The following PHTF2 variants were observed in gnomAD, a reference collection of about 807,000 sequenced individuals.
PHTF2 encodes the protein putative homeodomain transcription factor 2.
A neutral mutation model predicts 101.2 loss-of-function variants in PHTF2; 60 were observed. The observed-to-expected ratio is 0.59, with a 90% CI of 0.48 to 0.73. The LOEUF (loss-of-function observed/expected upper bound fraction) is 0.73. Among genes scored for constraint, PHTF2 ranks in the 30% least tolerant of loss-of-function variants. The pLI is 0.00. For missense variants in PHTF2, 747 were observed against 908.7 expected, an observed-to-expected ratio of 0.82 and a Z score of 2.29; for synonymous variants, 311 against 307.3, an observed-to-expected ratio of 1.01 and a Z score of -0.13.
At chr7:77,932,617 AGAGAGTGTGT>A (rs757392448) in intron 12 of PHTF2, among the ~76,000 whole-genome samples, 7,426 of 124,486 alleles carry the variant, frequency 0.06, 210 homozygotes, top group South Asian at 0.14. Context: ...AGAGAGAGAG[AGAGAGTGTGT>A]GTGTGTGTGT....
At chr7:77,941,693 C>G (rs553226118) in intron 15 of PHTF2, among the ~76,000 whole-genome samples, 1 of 152,134 alleles carries the variant, frequency 6.6e-6, no homozygotes, top group Non-Finnish European at 1.5e-5. Flanking sequence ...CCATTTGCTT[C>G]TCTTTGTTCC....
At chr7:77,851,870 T>C (rs181039729) in intron 2 of PHTF2, among the ~76,000 whole-genome samples, 8 of 152,338 alleles carry the variant, frequency 5.3e-5, no homozygotes, top group Admixed American at 5.2e-4. Context: ...TTCCTCTTAG[T>C]ACTGCTTTCA....
intron 1 of PHTF2, among the ~76,000 whole-genome samples, chr7:77,829,707 T>C (rs749520470): frequency 5.3e-5 from 8 of 152,228 alleles, no homozygotes; most frequent in Non-Finnish European, 1.2e-4. Context: ...TTTCAAGGTC[T>C]AAAAATTTCT....
intron 3 of PHTF2, among the ~76,000 whole-genome samples, chr7:77,877,126 T>G (rs1256548361): frequency 6.6e-6 from 1 of 151,472 alleles, no homozygotes; most frequent in Admixed American, 6.6e-5. Flanking sequence ...TTTTTTTTTT[T>G]TTTTTTTGAG....
At chr7:77,877,202 A>G (rs542990064) in intron 3 of PHTF2, among the ~76,000 whole-genome samples, 23 of 141,956 alleles carry the variant, frequency 1.6e-4, no homozygotes, top group African/African-American at 6.1e-4. Context: ...TGCAACCTCC[A>G]CCTCCTGGGT....
intron 11 of PHTF2, among the ~76,000 whole-genome samples, chr7:77,924,827 A>T (rs1803808082): frequency 6.6e-6 from 1 of 152,122 alleles, no homozygotes. Context: ...GCACCAAGGG[A>T]ACTGGGGATG....
chr7:77,815,436 A>G (rs182722136), intron 1 of PHTF2, among the ~76,000 whole-genome samples: 7 of 152,232 alleles, frequency 4.6e-5, no homozygotes, highest in Admixed American at 1.3e-4. Context: ...TACTGAAGCT[A>G]TAACTATTTG....
chr7:77,912,422 G>A (rs1409932209), intron 9 of PHTF2, among the ~76,000 whole-genome samples: 1 of 152,114 alleles, frequency 6.6e-6, no homozygotes, highest in Admixed American at 6.5e-5. Context: ...TTCAGGCTTT[G>A]TTAAGACAGG....
At chr7:77,828,257 G>A (rs1319097462) in intron 1 of PHTF2, among the ~76,000 whole-genome samples, 1 of 152,130 alleles carries the variant, frequency 6.6e-6, no homozygotes, top group African/African-American at 2.4e-5. Context: ...AAGCAGCACA[G>A]CAGTCAAATA....
chr7:77,819,269 A>G (rs532568425), intron 1 of PHTF2, among the ~76,000 whole-genome samples: 2 of 152,302 alleles, frequency 1.3e-5, no homozygotes, highest in African/African-American at 4.8e-5. Context: ...TTTCAGTAGT[A>G]TATTGAATAA....
chr7:77,847,868 C>T (rs1796431144), intron 2 of PHTF2, among the ~76,000 whole-genome samples: 1 of 152,196 alleles, frequency 6.6e-6, no homozygotes, highest in Admixed American at 6.5e-5. Flanking sequence ...TACTACCCTT[C>T]CCAGCCTCTG....
intron 1 of PHTF2, among the ~76,000 whole-genome samples, chr7:77,802,388 C>T (rs868485424): frequency 1.3e-5 from 2 of 152,146 alleles, no homozygotes; most frequent in South Asian, 4.1e-4. Context: ...TTTCCCAGTT[C>T]AAATTAAGAC....
At chr7:77,845,546 A>G (rs1197614442) in intron 2 of PHTF2, among the ~76,000 whole-genome samples, 1 of 152,260 alleles carries the variant, frequency 6.6e-6, no homozygotes, top group African/African-American at 2.4e-5. Flanking sequence ...CCTGAGTAAC[A>G]TGAACTTGAC....
At chr7:77,923,459 C>G (rs1803669430) in intron 11 of PHTF2, 1 of 985,140 alleles carries the variant, frequency 1.0e-6, no homozygotes, top group Admixed American at 6.2e-5. Flanking sequence ...ACTTGTAAAA[C>G]AAACACATGT....
Position 77,894,270 on chromosome 7 carries a change from A to G in PHTF2, c.216+277A>G, listed in dbSNP as rs1317967724. ...AGCATGAAAACTGTTTTTCAACTGA[A>G]TTTATTGTTTCCCAGCACTCTTTAT... On this transcript the variant is annotated intron_variant, in intron 5 of 19. Transcript: ENST00000416283. Among the ~76,000 whole-genome samples the G allele has an allele frequency of 5.9e-5, 9 of 152,228 alleles. No homozygotes were observed. The South Asian group carries it at 1.7e-3, about 28-fold the overall frequency.
intron 1 of PHTF2, among the ~76,000 whole-genome samples, chr7:77,838,631 G>A (rs1212463462): frequency 6.6e-6 from 1 of 152,112 alleles, no homozygotes; most frequent in Non-Finnish European, 1.5e-5. Context: ...GATCCTATAA[G>A]GGGTGGGGAG....
intron 1 of PHTF2, among the ~76,000 whole-genome samples, chr7:77,813,837 T>G (rs577083269): frequency 2.2e-4 from 34 of 152,316 alleles, no homozygotes; most frequent in African/African-American, 7.9e-4. Flanking sequence ...GCTGTTAAAT[T>G]GTATTGCATT....
chr7:77,884,168 C>T (rs1290795272), intron 3 of PHTF2, among the ~76,000 whole-genome samples: 1 of 152,138 alleles, frequency 6.6e-6, no homozygotes, highest in African/African-American at 2.4e-5. Flanking sequence ...ATCCAGCACT[C>T]CAAATATGAC....
chr7:77,893,931 T>C, intron 4 of PHTF2, 51 bp from the exon 4 acceptor site: 1 of 1,339,166 alleles, frequency 7.5e-7, no homozygotes, highest in South Asian at 1.2e-5. Flanking sequence ...TGTCACCTTA[T>C]ACTTCTAGTT....
Sources: gnomAD v4.1 joint callset for allele counts (sites outside exome capture counted in the v4.1 genomes callset) on GRCh38, gnomAD v4.1.1 for gene constraint, MANE v1.5 for transcripts, NCBI Gene and HGNC (gene_info 2026-07-23, HGNC 2026-07-21) for gene names.